NRG1: variants seen among roughly 807,000 people sequenced by gnomAD.
The protein encoded by NRG1 is neuregulin 1.
NRG1 carries 18 observed loss-of-function variants against 63.8 expected under a neutral mutation model. That is an observed-to-expected ratio of 0.28 (90% CI 0.19 to 0.42). The LOEUF (loss-of-function observed/expected upper bound fraction) is 0.42, where lower values mean the gene tolerates loss of function less well. Among genes scored for constraint, NRG1 ranks in the 10% least tolerant of loss-of-function variants. The probability of loss-of-function intolerance (pLI) is 1.00; values close to 1 mark genes in which losing one functional copy is unlikely to be tolerated. For missense variants in NRG1, 762 were observed against 814.7 expected, an observed-to-expected ratio of 0.94 and a Z score of 0.79; for synonymous variants, 302 against 301.3, an observed-to-expected ratio of 1.00 and a Z score of -0.02.
At chr8:31,999,185 T>C (rs1184697925) in intron 1 of NRG1, among the ~76,000 whole-genome samples, 1 of 151,948 alleles carries the variant, frequency 6.6e-6, no homozygotes, top group Non-Finnish European at 1.5e-5. Context: ...TGAAGGAATA[T>C]TTTTAGACTG....
At chr8:32,007,525 A>C (rs1813969310) in intron 1 of NRG1, among the ~76,000 whole-genome samples, 1 of 152,042 alleles carries the variant, frequency 6.6e-6, no homozygotes, top group African/African-American at 2.4e-5. Context: ...AGTCCAAAGG[A>C]AATAACTAGC....
chr8:31,949,476 A>T (rs1803135504), intron 1 of NRG1, among the ~76,000 whole-genome samples: 1 of 152,218 alleles, frequency 6.6e-6, no homozygotes, highest in Non-Finnish European at 1.5e-5. Context: ...CACATGTCCA[A>T]TACAGTATTT....
At position 31,670,684 on chromosome 8, in the gene NRG1, T is replaced by G. The variant is rs117849241; in HGVS notation, c.37+31253T>G. Reference sequence around the variant, plus strand: ...TCCCATTACATTTTGGCACTAGGTGTTAAGTTTTTATCTCTCTGATCCTGA... The same window carrying G: ...TCCCATTACATTTTGGCACTAGGTGGTAAGTTTTTATCTCTCTGATCCTGA... On this transcript the variant is annotated intron_variant, in intron 1 of 10. Coordinates refer to the NRG1 transcript ENST00000519301. Among the ~76,000 whole-genome samples the G allele has an allele frequency of 3.1e-3, 477 of 152,272 alleles. 1 individual carries two copies. The highest frequency in any genetic ancestry group is 0.021 in the South Asian group (99 of 4,810).
chr8:31,785,830 G>A (rs1484147698), intron 1 of NRG1, among the ~76,000 whole-genome samples: 1 of 152,132 alleles, frequency 6.6e-6, no homozygotes, highest in Non-Finnish European at 1.5e-5. Flanking sequence ...GTATCATGTG[G>A]TATACAGAGT....
chr8:32,585,733 A>G (rs779602509), intron 1 of NRG1, among the ~76,000 whole-genome samples: 1 of 152,246 alleles, frequency 6.6e-6, no homozygotes. Context: ...CAGAAAATTC[A>G]GCAATTTTGC....
chr8:32,406,439 A>G (rs1234381700), intron 1 of NRG1, among the ~76,000 whole-genome samples: 1 of 152,222 alleles, frequency 6.6e-6, no homozygotes, highest in African/African-American at 2.4e-5. Context: ...GGTTTCTGGC[A>G]CATAGTAAGG....
chr8:32,060,535 G>A (rs562108416), intron 1 of NRG1, among the ~76,000 whole-genome samples: 5 of 151,900 alleles, frequency 3.3e-5, no homozygotes, highest in Admixed American at 2.0e-4. Context: ...GTTTTGCTTT[G>A]TTTTGGTTTT....
intron 1 of NRG1, among the ~76,000 whole-genome samples, chr8:32,512,149 A>G (rs1050601184): frequency 2.6e-5 from 4 of 150,948 alleles, no homozygotes; most frequent in African/African-American, 7.3e-5. Flanking sequence ...AGGGGGATGG[A>G]GGGGGGAAGC....
chr8:31,679,309 T>A (rs1477216502), intron 1 of NRG1, among the ~76,000 whole-genome samples: 1 of 152,144 alleles, frequency 6.6e-6, no homozygotes, highest in Non-Finnish European at 1.5e-5. Flanking sequence ...TTTGTGTTGA[T>A]CAATATGTAA....
intron 1 of NRG1, among the ~76,000 whole-genome samples, chr8:32,311,235 T>C (rs1856774178): frequency 1.3e-5 from 2 of 152,196 alleles, no homozygotes; most frequent in Admixed American, 6.5e-5. Context: ...ACAGATAAGA[T>C]TCCTGTTGTA....
At chr8:32,089,477 A>G (rs1828776339) in intron 1 of NRG1, among the ~76,000 whole-genome samples, 1 of 152,200 alleles carries the variant, frequency 6.6e-6, no homozygotes, top group Non-Finnish European at 1.5e-5. Flanking sequence ...ATACCAGCTA[A>G]AATATTTTAA....
At chr8:32,568,235 G>A (rs374871439) in intron 1 of NRG1, among the ~76,000 whole-genome samples, 1 of 152,082 alleles carries the variant, frequency 6.6e-6, no homozygotes, top group Non-Finnish European at 1.5e-5. Flanking sequence ...CATAAATCTC[G>A]AAGTGCTCGT....
chr8:32,286,541 C>A (rs530990812), intron 1 of NRG1, among the ~76,000 whole-genome samples: 1 of 152,342 alleles, frequency 6.6e-6, no homozygotes, highest in Non-Finnish European at 1.5e-5. Flanking sequence ...GGGGGCAGAT[C>A]TATGATAGAT....
intron 1 of NRG1, among the ~76,000 whole-genome samples, chr8:31,720,987 G>A (rs1812853379): frequency 6.6e-6 from 1 of 152,140 alleles, no homozygotes; most frequent in Non-Finnish European, 1.5e-5. Context: ...ATAGAGGGAA[G>A]CCAGGGGGTT....
chr8:32,243,669 A>G (rs1848340832), intron 1 of NRG1, among the ~76,000 whole-genome samples: 5 of 152,096 alleles, frequency 3.3e-5, no homozygotes, highest in Admixed American at 3.3e-4. Context: ...GCTGTGGACT[A>G]AACTTTTGTA....
Position 32,696,923 on chromosome 8 carries a change from A to G in NRG1, c.503-31026A>G, listed in dbSNP as rs181731975. 1.3e-3 allele frequency among the ~76,000 whole-genome samples: 205 copies of G among 152,214 alleles called. 1 individual carries two copies. The highest frequency in any genetic ancestry group is 4.7e-3 in the African/African-American group (195 of 41,544). ...GTGATCCACCCACCTCGACTTCCCA[A>G]AGTGCTGGGATTACAGGCGTGAGCC... On this transcript the variant is annotated intron_variant, in intron 5 of 11. Transcript: ENST00000356819.
intron 5 of NRG1, among the ~76,000 whole-genome samples, chr8:32,643,084 G>C (rs1409867240): frequency 2.0e-5 from 3 of 152,168 alleles, no homozygotes; most frequent in African/African-American, 4.8e-5. Context: ...GAAATATTAT[G>C]AAAGTGGATC....
At position 32,384,379 on chromosome 8, in the gene NRG1, C is replaced by A. The variant is rs116184368; in HGVS notation, c.38-211449C>A. Among the ~76,000 whole-genome samples the A allele has an allele frequency of 2.1e-3, 314 of 152,332 alleles. 1 individual carries two copies. The highest frequency in any genetic ancestry group is 7.0e-3 in the African/African-American group (291 of 41,570). ...AAAGTTAGAAGTGATTCTTTTAGCACAGAGATAAGAGATTAGCTCATGGCT... is the reference window on the plus strand; with the variant it reads ...AAAGTTAGAAGTGATTCTTTTAGCAAAGAGATAAGAGATTAGCTCATGGCT... On this transcript the variant is annotated intron_variant, in intron 1 of 10. Coordinates refer to the NRG1 transcript ENST00000519301.
At chr8:32,748,535 G>T in intron 7 of NRG1, 5 of 199,886 alleles carry the variant, frequency 2.5e-5, no homozygotes, top group Non-Finnish European at 3.1e-5. Context: ...TTCCTCAATG[G>T]AGCCTCTGCA....
Sources: allele counts gnomAD v4.1 joint callset (sites outside exome capture counted in the v4.1 genomes callset), GRCh38; gene constraint gnomAD v4.1.1; transcripts MANE v1.5; gene names NCBI Gene and HGNC (gene_info 2026-07-23, HGNC 2026-07-21).